The following TRDN variants were observed in gnomAD, a reference collection of about 807,000 sequenced individuals.
The protein encoded by TRDN is triadin, also known as triadin in skeletal muscle.
A neutral mutation model predicts 149.7 loss-of-function variants in TRDN; 161 were observed. That is an observed-to-expected ratio of 1.08 (90% confidence interval 0.95 to 1.23). The LOEUF is 1.23. Ranked by LOEUF, TRDN falls within the 50% of genes most tolerant of loss-of-function variation. The pLI is 0.00. For missense variants in TRDN, 896 were observed against 823.5 expected (o/e 1.09, Z -1.08); for synonymous variants, 294 against 250.5 (o/e 1.17, Z -1.64).
chr6:123,585,741 T>C (rs1043596452), intron 1 of TRDN, among the ~76,000 whole-genome samples: 28 of 152,216 alleles, frequency 1.8e-4, no homozygotes, highest in South Asian at 4.1e-4. Context: ...GCCAGATTTC[T>C]GGCACTTGTA....
intron 1 of TRDN, among the ~76,000 whole-genome samples, chr6:123,574,853 TA>T (rs1782754475): frequency 2.8e-5 from 1 of 35,208 alleles, no homozygotes; most frequent in East Asian, 1.1e-3. Context: ...TGAATTTATA[TA>T]TACATATATA....
chr6:123,235,421 G>T (rs957782925), intron 38 of TRDN, among the ~76,000 whole-genome samples: 1 of 151,902 alleles, frequency 6.6e-6, no homozygotes, highest in African/African-American at 2.4e-5. Flanking sequence ...TGCTGGGAGT[G>T]GAATAAAAGT....
chr6:123,383,993 C>A (rs969603581), intron 14 of TRDN, among the ~76,000 whole-genome samples: 1 of 152,118 alleles, frequency 6.6e-6, no homozygotes, highest in Non-Finnish European at 1.5e-5. Context: ...TCTTAATTAA[C>A]CCCAGCTCTG....
intron 21 of TRDN, among the ~76,000 whole-genome samples, chr6:123,348,043 G>T (rs888928311): frequency 6.6e-5 from 10 of 152,042 alleles, no homozygotes; most frequent in Non-Finnish European, 1.3e-4. Flanking sequence ...AAATGAGAAT[G>T]CAGATTCTCT....
chr6:123,218,459 C>T lies in TRDN; in HGVS notation c.*142G>A. ...TCATCACTCAATCCATTTGGCCACC[C>T]TTTCCGTCCACACCAGGCCAAAGAG... is the stretch of plus-strand genomic sequence containing the variant. On this transcript the variant is annotated 3_prime_UTR_variant, in exon 41 of 41. Coordinates refer to ENST00000334268, the MANE Select transcript of TRDN (RefSeq NM_006073.4). 2.1e-6 allele frequency: 2 copies of T among 941,014 alleles called. No individual in the cohort carries two copies. Among genetic ancestry groups the T allele is most frequent in the Non-Finnish European group, 3.1e-6 (2 of 647,278 alleles). 58.3% of individuals were successfully genotyped at this position (941,014 alleles called of 1,614,324 possible).
intron 24 of TRDN, among the ~76,000 whole-genome samples, chr6:123,279,715 T>G (rs1777516313): frequency 6.6e-6 from 1 of 152,136 alleles, no homozygotes. Flanking sequence ...TTCCCATTAC[T>G]TTCCAAGACT....
intron 10 of TRDN, among the ~76,000 whole-genome samples, chr6:123,443,651 G>A (rs1051558091): frequency 6.6e-6 from 1 of 151,960 alleles, no homozygotes; most frequent in Non-Finnish European, 1.5e-5. Context: ...AATTAGCCAG[G>A]GGTCAAACGT....
chr6:123,218,814 G>C, intron 40 of TRDN, 74 bp from the exon 41 acceptor site: 1 of 1,448,676 alleles, frequency 6.9e-7, no homozygotes, highest in Non-Finnish European at 9.3e-7. Context: ...GCAGTGCAGT[G>C]CAGCAGATAA....
intron 19 of TRDN, among the ~76,000 whole-genome samples, chr6:123,370,278 T>C (rs1781274369): frequency 6.6e-6 from 1 of 152,052 alleles, no homozygotes; most frequent in South Asian, 2.1e-4. Flanking sequence ...TGGGTTTTTA[T>C]TACATGTATT....
At chr6:123,347,055 G>T in intron 21 of TRDN, among the ~76,000 whole-genome samples, 1 of 152,140 alleles carries the variant, frequency 6.6e-6, no homozygotes, top group East Asian at 1.9e-4. Context: ...GGAGAACGTG[G>T]GGTAGAAACA....
intron 2 of TRDN, among the ~76,000 whole-genome samples, chr6:123,557,739 G>A (rs917565160): frequency 6.6e-6 from 1 of 151,762 alleles, no homozygotes; most frequent in African/African-American, 2.4e-5. Flanking sequence ...TTTCTGGGGG[G>A]CAAGCACCTC....
At chr6:123,359,481 T>C (rs894828020) in intron 20 of TRDN, among the ~76,000 whole-genome samples, 2 of 150,110 alleles carry the variant, frequency 1.3e-5, no homozygotes, top group African/African-American at 2.4e-5. Flanking sequence ...TGGGATGTTC[T>C]ACTAGATGAA....
intron 2 of TRDN, among the ~76,000 whole-genome samples, chr6:123,560,240 A>T (rs1156760215): frequency 6.6e-6 from 1 of 152,150 alleles, no homozygotes; most frequent in Non-Finnish European, 1.5e-5. Flanking sequence ...CCGGACGCAT[A>T]TACTTTCTGC....
chr6:123,464,726 T>C (rs1053771678), intron 10 of TRDN, 180 bp downstream of exon 10: 14 of 1,390,288 alleles, frequency 1.0e-5, no homozygotes, highest in South Asian at 1.7e-5. Context: ...TAAGGGGACA[T>C]TTTTGGTTTT....
chr6:123,361,370 C>T (rs1254565007), intron 20 of TRDN, among the ~76,000 whole-genome samples: 2 of 151,738 alleles, frequency 1.3e-5, no homozygotes, highest in Non-Finnish European at 2.9e-5. Context: ...TGGGGCCTGT[C>T]GGTGGGTGGG....
intron 1 of TRDN, among the ~76,000 whole-genome samples, chr6:123,582,319 A>T (rs556640743): frequency 6.6e-6 from 1 of 152,230 alleles, no homozygotes; most frequent in South Asian, 2.1e-4. Flanking sequence ...CTGGGTTAAG[A>T]TAAGGAGTTA....
intron 23 of TRDN, among the ~76,000 whole-genome samples, chr6:123,324,520 G>T (rs1459676635): frequency 1.3e-5 from 2 of 152,006 alleles, no homozygotes; most frequent in Non-Finnish European, 2.9e-5. Context: ...AAGCATATTA[G>T]AACATATGCA....
chr6:123,571,677 C>A (rs955777924), intron 1 of TRDN, among the ~76,000 whole-genome samples: 1 of 151,982 alleles, frequency 6.6e-6, no homozygotes, highest in Admixed American at 6.6e-5. Flanking sequence ...TTTAATCTCA[C>A]CACCCAGAAA....
At chr6:123,613,296 A>G (rs970875646) in intron 1 of TRDN, among the ~76,000 whole-genome samples, 5 of 152,194 alleles carry the variant, frequency 3.3e-5, no homozygotes, top group Non-Finnish European at 7.4e-5. Context: ...TCCAATTTCA[A>G]TTAAAATAAA....
Sources: allele counts gnomAD v4.1 joint callset (sites outside exome capture counted in the v4.1 genomes callset), GRCh38; gene constraint gnomAD v4.1.1; transcripts MANE v1.5; gene names NCBI Gene and HGNC (gene_info 2026-07-23, HGNC 2026-07-21).